CSMD1: variants seen among roughly 807,000 people sequenced by gnomAD.
CSMD1 encodes CUB and sushi domain-containing protein 1.
In CSMD1, 213 loss-of-function variants were observed where a neutral mutation model predicts 417.5. That is an observed-to-expected ratio of 0.51 (90% CI 0.46 to 0.57). The LOEUF (loss-of-function observed/expected upper bound fraction) is 0.57, where lower values mean the gene tolerates loss of function less well. CSMD1 is among the 20% of genes least tolerant of loss of function. CSMD1 has a pLI of 0.00. For synonymous variants in CSMD1, 2,862 were observed against 1,736.8 expected, an observed-to-expected ratio of 1.65 and a Z score of -16.11; for missense variants, 6,923 against 4,529.7, an observed-to-expected ratio of 1.53 and a Z score of -15.17.
At chr8:3,727,036 A>G (rs28687367) in intron 6 of CSMD1, among the ~76,000 whole-genome samples, 7,428 of 152,224 alleles carry the variant, frequency 0.049, 212 homozygotes, top group Middle Eastern at 0.11. Context: ...TCTCTTAGTT[A>G]CTAATGGTAG....
rs561457514 is a variant in CSMD1 at position 3,869,305 on chromosome 8, A to G, written c.819-115263T>C. ...ACACCACATTCTCCTTCTCTGCTTCATTTCTCTCCATGGCATGTATCACCT... is the reference window on the plus strand; with the variant it reads ...ACACCACATTCTCCTTCTCTGCTTCGTTTCTCTCCATGGCATGTATCACCT... On this transcript the variant is annotated intron_variant, in intron 5 of 69. Transcript: ENST00000635120. Among the ~76,000 whole-genome samples the G allele has an allele frequency of 9.9e-5, 15 of 152,142 alleles. No homozygotes were observed. The East Asian group carries it at 2.5e-3, about 26-fold the overall frequency.
intron 5 of CSMD1, among the ~76,000 whole-genome samples, chr8:3,779,704 G>C (rs570942207): frequency 2.0e-5 from 3 of 152,008 alleles, no homozygotes; most frequent in Non-Finnish European, 4.4e-5. Flanking sequence ...ACACTATCTA[G>C]CGCATATTTT....
intron 6 of CSMD1, among the ~76,000 whole-genome samples, chr8:3,717,639 TTATG>T (rs886775165): frequency 3.9e-5 from 6 of 152,236 alleles, no homozygotes; most frequent in African/African-American, 1.4e-4. Flanking sequence ...GTTAGAACGT[TTATG>T]TATTTATTAT....
chr8:3,266,796 A>G (rs1801464059), intron 26 of CSMD1, among the ~76,000 whole-genome samples: 2 of 151,568 alleles, frequency 1.3e-5, no homozygotes, highest in African/African-American at 4.8e-5. Context: ...AAAAAAAAAA[A>G]AAAGGACCAC....
chr8:4,469,090 C>G (rs1312125770), intron 2 of CSMD1, among the ~76,000 whole-genome samples: 1 of 152,056 alleles, frequency 6.6e-6, no homozygotes, highest in African/African-American at 2.4e-5. Context: ...CACAGAAGAC[C>G]TGTTTGAAGA....
chr8:3,648,218 G>C (rs1797672901), intron 7 of CSMD1, among the ~76,000 whole-genome samples: 1 of 152,284 alleles, frequency 6.6e-6, no homozygotes, highest in Non-Finnish European at 1.5e-5. Context: ...CCATATACTA[G>C]AGACATGATT....
rs911607627 is a variant in CSMD1 at position 4,184,390 on chromosome 8, T to C, written c.416-152291A>G. Among the ~76,000 whole-genome samples the C allele has an allele frequency of 6.6e-5, 10 of 152,186 alleles. 1 individual carries two copies. Among genetic ancestry groups the C allele is most frequent in the African/African-American group, 2.4e-4 (10 of 41,444 alleles). ...TCCCTGAAAACTAGCTATTTCCAAT[T>C]CTAATAATCTGGAGCATATGAGGAT... On this transcript the variant is annotated intron_variant, in intron 3 of 69. Transcript: ENST00000635120.
chr8:3,956,391 G>C (rs372598917), intron 5 of CSMD1, among the ~76,000 whole-genome samples: 1 of 152,180 alleles, frequency 6.6e-6, no homozygotes, highest in Admixed American at 6.5e-5. Flanking sequence ...GCTAGAATTT[G>C]AAGCCCAGAA....
rs554175441 is a variant in CSMD1, at chr8:3,650,079, G to C, written c.1010-33282C>G. ...AGACCACTTGAGGTCAAGAGTTTGA[G>C]ACTAGCCTGGACAACATGGTGAAAC... On this transcript the variant is annotated intron_variant, in intron 7 of 69. Transcript: ENST00000635120. Among the ~76,000 whole-genome samples, 9 of 152,244 alleles carry C rather than the reference G, an allele frequency of 5.9e-5. No individual in the cohort carries two copies. In the East Asian group the frequency reaches 1.7e-3, roughly 30 times the overall value.
chr8:3,472,794 G>C (rs978929388), intron 11 of CSMD1, among the ~76,000 whole-genome samples: 2 of 152,004 alleles, frequency 1.3e-5, no homozygotes, highest in South Asian at 2.1e-4. Context: ...ATTTAGGGCA[G>C]TCAAAACATG....
chr8:3,164,844 T>C (rs1411481288), intron 37 of CSMD1, among the ~76,000 whole-genome samples: 2 of 152,180 alleles, frequency 1.3e-5, no homozygotes, highest in Non-Finnish European at 2.9e-5. Context: ...TAAACTTGCA[T>C]GTTTTACCCA....
chr8:4,735,749 T>C (rs1035564442), intron 1 of CSMD1, among the ~76,000 whole-genome samples: 1 of 152,178 alleles, frequency 6.6e-6, no homozygotes, highest in Non-Finnish European at 1.5e-5. Context: ...AAAGGACTGT[T>C]AGTCTTCCTA....
At chr8:4,690,234 A>C (rs1033945437) in intron 1 of CSMD1, among the ~76,000 whole-genome samples, 1 of 152,232 alleles carries the variant, frequency 6.6e-6, no homozygotes, top group African/African-American at 2.4e-5. Context: ...GAAAATTTCT[A>C]GACCAACAAG....
chr8:4,385,482 G>C (rs1037174961), intron 3 of CSMD1, among the ~76,000 whole-genome samples: 9 of 152,166 alleles, frequency 5.9e-5, no homozygotes, highest in Admixed American at 2.0e-4. Context: ...ATTTAAAATA[G>C]ATATTTGGAG....
chr8:3,952,351 T>C (rs773081962), intron 5 of CSMD1, among the ~76,000 whole-genome samples: 5 of 152,214 alleles, frequency 3.3e-5, no homozygotes, highest in Admixed American at 2.6e-4. Flanking sequence ...TCAACCATCT[T>C]CTGTTGAACC....
chr8:3,765,432 A>G (rs1307169147), intron 5 of CSMD1, among the ~76,000 whole-genome samples: 3 of 152,254 alleles, frequency 2.0e-5, no homozygotes, highest in Non-Finnish European at 2.9e-5. Context: ...CCTGGAAGTT[A>G]CTGTGTGTCT....
intron 2 of CSMD1, among the ~76,000 whole-genome samples, chr8:4,470,800 A>G (rs1800485472): frequency 6.6e-6 from 1 of 152,222 alleles, no homozygotes; most frequent in Non-Finnish European, 1.5e-5. Flanking sequence ...ATTGTCTAAC[A>G]CATTCTTACA....
chr8:4,498,464 T>C (rs1321164426), intron 2 of CSMD1, among the ~76,000 whole-genome samples: 6 of 152,228 alleles, frequency 3.9e-5, no homozygotes, highest in Admixed American at 3.3e-4. Context: ...TTTTTTAAAA[T>C]GAATTTTAGT....
intron 1 of CSMD1, among the ~76,000 whole-genome samples, chr8:4,769,933 T>G (rs1796518896): frequency 6.6e-6 from 1 of 152,270 alleles, no homozygotes; most frequent in South Asian, 2.1e-4. Flanking sequence ...GGATTAAAAA[T>G]AAGAACAATA....
Sources: allele counts gnomAD v4.1 joint callset (sites outside exome capture counted in the v4.1 genomes callset), GRCh38; gene constraint gnomAD v4.1.1; transcripts MANE v1.5; gene names NCBI Gene and HGNC (gene_info 2026-07-23, HGNC 2026-07-21).